Variants in PCMTD1 observed in about 807,000 individuals in gnomAD.
PCMTD1 encodes protein-L-isoaspartate O-methyltransferase domain-containing protein 1.
Under a neutral mutation model 37.6 loss-of-function variants are expected in PCMTD1, and 12 were observed. The ratio of observed to expected loss-of-function variants is 0.32; its 90% confidence interval spans 0.20 to 0.52. The LOEUF is 0.52. PCMTD1 is among the 20% of genes least tolerant of loss of function. The probability of loss-of-function intolerance (pLI) is 0.97; values close to 1 mark genes in which losing one functional copy is unlikely to be tolerated. For synonymous variants in PCMTD1, 117 were observed against 135.8 expected (o/e 0.86, Z 0.96); for missense variants, 235 against 421.3 (o/e 0.56, Z 3.87).
In PCMTD1 at chr8:51,846,205, G is replaced by C. The variant is rs1435198044; in HGVS notation, c.308-442C>G. Among the ~76,000 whole-genome samples the C allele has an allele frequency of 2.0e-5, 3 of 152,188 alleles. No individual in the cohort carries two copies. In the East Asian group the frequency reaches 5.8e-4, roughly 29 times the overall value. On this transcript the variant is annotated intron_variant, in intron 2 of 5. Transcript: ENST00000522514. ...CTCAGGGCATCGCTACCCCCAGCCA[G>C]TAGAGGCTAAATTCCCACCCCACTC...
At chr8:51,843,866 T>C (rs1469764717) in intron 3 of PCMTD1, among the ~76,000 whole-genome samples, 3 of 152,146 alleles carry the variant, frequency 2.0e-5, no homozygotes, top group Non-Finnish European at 4.4e-5. Context: ...TATCTGTGTC[T>C]TCATGTATTA....
intron 1 of PCMTD1, among the ~76,000 whole-genome samples, chr8:51,891,307 T>G (rs756202864): frequency 8.6e-4 from 131 of 152,038 alleles, no homozygotes; most frequent in Non-Finnish European, 1.5e-3. Context: ...TAATCCACTT[T>G]GGGAGGACAA....
intron 1 of PCMTD1, 28 bp downstream of exon 1, chr8:51,898,902 C>T (rs935708850): frequency 2.7e-5 from 35 of 1,319,518 alleles, no homozygotes; most frequent in Non-Finnish European, 3.3e-5. Flanking sequence ...ACCCCACGAC[C>T]CCGAGCCCCC....
chr8:51,880,189 GATC>G (rs1300759284), intron 1 of PCMTD1, among the ~76,000 whole-genome samples: 7 of 139,278 alleles, frequency 5.0e-5, no homozygotes, highest in Non-Finnish European at 8.0e-5. Context: ...AACACAGCAA[GATC>G]CTGTCTCCTT....
At chr8:51,897,680 T>C (rs2039026424) in intron 1 of PCMTD1, among the ~76,000 whole-genome samples, 1 of 152,206 alleles carries the variant, frequency 6.6e-6, no homozygotes, top group Admixed American at 6.5e-5. Flanking sequence ...TTTTGCCACA[T>C]TGTTTCAAAA....
rs1382262950 is a variant in PCMTD1 at position 51,819,398 on chromosome 8, C to T, written c.*953G>A. The T allele has an allele frequency of 2.6e-5, 4 of 152,052 alleles. No individual in the cohort carries two copies. Among genetic ancestry groups the T allele is most frequent in the Admixed American group, 2.0e-4 (3 of 15,250 alleles). The allele number at this position is 152,052 out of a possible 1,614,324, so 9.4% of individuals were successfully genotyped here. ...GAAGTTCCATCTGCTAAAGTGCATC[C>T]GCTGACCAGGTCTACCCTGGCCCTG... On this transcript the variant is annotated 3_prime_UTR_variant, in exon 6 of 6. Coordinates refer to ENST00000522514, the MANE Select transcript of PCMTD1 (RefSeq NM_052937.4).
intron 1 of PCMTD1, among the ~76,000 whole-genome samples, chr8:51,862,997 C>T (rs995200857): frequency 6.6e-6 from 1 of 151,120 alleles, no homozygotes; most frequent in Non-Finnish European, 1.5e-5. Context: ...GGCATCTCAA[C>T]TTGCTGAGTC....
intron 1 of PCMTD1, among the ~76,000 whole-genome samples, chr8:51,898,003 A>G (rs988223812): frequency 6.6e-6 from 1 of 152,080 alleles, no homozygotes; most frequent in Admixed American, 6.5e-5. Flanking sequence ...GGGTAGTAAG[A>G]AGGAGAAATA....
At chr8:51,850,519 T>G (rs878915282) in intron 2 of PCMTD1, among the ~76,000 whole-genome samples, 1 of 152,192 alleles carries the variant, frequency 6.6e-6, no homozygotes. Context: ...AACATGCAAC[T>G]GGGGCTGAGC....
intron 2 of PCMTD1, among the ~76,000 whole-genome samples, chr8:51,858,585 A>G (rs912344825): frequency 1.3e-5 from 2 of 152,232 alleles, no homozygotes; most frequent in African/African-American, 2.4e-5. Flanking sequence ...AACAGAGAGC[A>G]GGGTAAAGAT....
intron 4 of PCMTD1, among the ~76,000 whole-genome samples, chr8:51,832,918 A>T (rs1323112337): frequency 6.6e-6 from 1 of 152,170 alleles, no homozygotes; most frequent in Non-Finnish European, 1.5e-5. Context: ...CAATCATGGC[A>T]CACTGCAGCC....
intron 3 of PCMTD1, 89 bp downstream of exon 3, chr8:51,845,572 G>A: frequency 1.1e-6 from 1 of 883,162 alleles, no homozygotes; most frequent in Non-Finnish European, 1.8e-6. Flanking sequence ...AATTGAGCCA[G>A]TCAGGATCAA....
chr8:51,834,586 C>A (rs182307499), intron 3 of PCMTD1, among the ~76,000 whole-genome samples: 86 of 127,260 alleles, frequency 6.8e-4, no homozygotes, highest in Non-Finnish European at 7.3e-5. Flanking sequence ...TTAATATGAT[C>A]ATAGAGCAAA....
chr8:51,872,040 C>A (rs2038646834), intron 1 of PCMTD1, among the ~76,000 whole-genome samples: 1 of 152,060 alleles, frequency 6.6e-6, no homozygotes, highest in African/African-American at 2.4e-5. Context: ...AGTGTGAACT[C>A]CAAGATAGAG....
chr8:51,889,370 T>C (rs984895405), intron 1 of PCMTD1, among the ~76,000 whole-genome samples: 12 of 152,170 alleles, frequency 7.9e-5, no homozygotes, highest in African/African-American at 2.7e-4. Context: ...TATTAACTCA[T>C]TTAAGTCTTC....
At chr8:51,844,056 TC>T (rs1167923107) in intron 3 of PCMTD1, among the ~76,000 whole-genome samples, 1 of 152,124 alleles carries the variant, frequency 6.6e-6, no homozygotes, top group Non-Finnish European at 1.5e-5. Flanking sequence ...TGAACAAAAT[TC>T]TATAGTTCTA....
chr8:51,867,476 GGTGTGTGTGT>G lies in PCMTD1; in HGVS notation c.-95-6240_-95-6231del, dbSNP rs59206546. Reference sequence around the variant, plus strand: ...CATCAGAGGAATGGGTAAAGAAAATGGTGTGTGTGTGTGTGTGTGTGTGTGTGTGTGTGTG... The same window carrying G: ...CATCAGAGGAATGGGTAAAGAAAATGGTGTGTGTGTGTGTGTGTGTGTGTG... On this transcript the variant is annotated intron_variant, in intron 1 of 5. Transcript: ENST00000522514. Among the ~76,000 whole-genome samples, 507 of 141,586 alleles carry G rather than the reference GGTGTGTGTGT, an allele frequency of 3.6e-3. 6 individuals are homozygous for G. The highest frequency in any genetic ancestry group is 9.8e-3 in the African/African-American group (368 of 37,698). The allele number at this position is 141,586 out of a possible 152,430, so 92.9% of individuals were successfully genotyped here. A position where few individuals can be genotyped will look rare whatever the true frequency, so the allele number is the denominator to read the frequency against.
Position 51,817,753 on chromosome 8 carries a change from A to C in PCMTD1, c.*2598T>G. 1 of 427,254 alleles carries C rather than the reference A, an allele frequency of 2.3e-6. No individual in the cohort carries two copies. The highest frequency in any genetic ancestry group is 4.6e-6 in the Non-Finnish European group (1 of 215,480). 26.5% of individuals were successfully genotyped at this position (427,254 alleles called of 1,614,324 possible). A position where few individuals can be genotyped will look rare whatever the true frequency, so the allele number is the denominator to read the frequency against. On this transcript the variant is annotated 3_prime_UTR_variant, in exon 6 of 6. Transcript: ENST00000522514. ...AACATTTTTCTTTATTAATACTAGAACCAAATATATTGACCAATAAGCAGT... is the reference window on the plus strand; with the variant it reads ...AACATTTTTCTTTATTAATACTAGACCCAAATATATTGACCAATAAGCAGT...
chr8:51,876,500 A>T (rs2038715418), intron 1 of PCMTD1, among the ~76,000 whole-genome samples: 1 of 152,202 alleles, frequency 6.6e-6, no homozygotes, highest in African/African-American at 2.4e-5. Flanking sequence ...CAGTAACCAT[A>T]AGAAAATCTA....
Sources: allele counts gnomAD v4.1 joint callset (sites outside exome capture counted in the v4.1 genomes callset), GRCh38; gene constraint gnomAD v4.1.1; transcripts MANE v1.5; gene names NCBI Gene and HGNC (gene_info 2026-07-23, HGNC 2026-07-21).